Variants in SHANK2 observed in about 807,000 individuals in gnomAD.
SHANK2 encodes SH3 and multiple ankyrin repeat domains protein 2.
Under a neutral mutation model 133.7 loss-of-function variants are expected in SHANK2, and 43 were observed. The observed-to-expected ratio is 0.32, with a 90% CI of 0.25 to 0.41. SHANK2 has a LOEUF of 0.41. Among genes scored for constraint, SHANK2 ranks in the 10% least tolerant of loss-of-function variants. The pLI, the probability that SHANK2 is intolerant of heterozygous loss-of-function variation, is 1.00. For synonymous variants in SHANK2, 1,017 were observed against 952.8 expected (o/e 1.07, Z -1.24); for missense variants, 1,994 against 2,235.8 (o/e 0.89, Z 2.18).
At chr11:71,094,059 G>T (rs1027480224) in intron 7 of SHANK2, among the ~76,000 whole-genome samples, 1 of 152,078 alleles carries the variant, frequency 6.6e-6, no homozygotes, top group Admixed American at 6.5e-5. Context: ...GTGCTGGGGG[G>T]ATCTACCATG....
intron 10 of SHANK2, chr11:70,948,201 C>G (rs1950779461): frequency 9.3e-6 from 4 of 430,494 alleles, no homozygotes; most frequent in South Asian, 6.4e-5. Context: ...TTCCGCATTG[C>G]CAGCTCCGTA....
At chr11:70,777,813 GA>G (rs1947398643) in intron 14 of SHANK2, among the ~76,000 whole-genome samples, 1 of 152,184 alleles carries the variant, frequency 6.6e-6, no homozygotes, top group African/African-American at 2.4e-5. Flanking sequence ...ACATCACTGG[GA>G]AAGCTGCTTA....
At chr11:70,806,310 C>T (rs1948157010) in intron 13 of SHANK2, among the ~76,000 whole-genome samples, 1 of 152,340 alleles carries the variant, frequency 6.6e-6, no homozygotes, top group South Asian at 2.1e-4. Flanking sequence ...CCACCCCACA[C>T]AACCTCCGCA....
At chr11:70,575,025 C>A (rs2060098179) in intron 17 of SHANK2, among the ~76,000 whole-genome samples, 1 of 152,154 alleles carries the variant, frequency 6.6e-6, no homozygotes, top group Non-Finnish European at 1.5e-5. Context: ...GGAAGCCACA[C>A]ACACAAAGGG....
In SHANK2 at chr11:70,472,570, C is replaced by T. The variant is rs782605356; in HGVS notation, c.*299G>A. On this transcript the variant is annotated 3_prime_UTR_variant, in exon 26 of 26. Coordinates refer to ENST00000601538, the MANE Select transcript of SHANK2 (RefSeq NM_012309.5). The surrounding 1 kb of genome is among the most constrained non-coding windows in gnomAD (Gnocchi z 4.4). ...AAATTGACGGGGAGCCTCTCGGACCCGGCAAAGCGAGGCCACCTGCATGCT... is the reference window on the plus strand; with the variant it reads ...AAATTGACGGGGAGCCTCTCGGACCTGGCAAAGCGAGGCCACCTGCATGCT... The T allele has an allele frequency of 3.8e-5, 17 of 449,418 alleles. No homozygotes were observed. Among genetic ancestry groups the T allele is most frequent in the African/African-American group, 1.2e-4 (6 of 50,252 alleles). 27.8% of individuals were successfully genotyped at this position (449,418 alleles called of 1,614,324 possible).
chr11:70,820,034 G>T (rs1320430021), intron 12 of SHANK2, among the ~76,000 whole-genome samples: 2 of 152,152 alleles, frequency 1.3e-5, no homozygotes, highest in East Asian at 3.9e-4. Context: ...ATTTCACTTA[G>T]GACCAAGAAG....
chr11:71,177,053 G>T (rs11232410), intron 2 of SHANK2, among the ~76,000 whole-genome samples: 4 of 152,200 alleles, frequency 2.6e-5, no homozygotes, highest in Non-Finnish European at 5.9e-5. Context: ...TGAGCAGACA[G>T]TGGACTGGCA....
At position 71,188,947 on chromosome 11, in the gene SHANK2, G is replaced by A. The variant is rs1431211601; in HGVS notation, c.-13+35750C>T. Among the ~76,000 whole-genome samples, 3 of 152,114 alleles carry A rather than the reference G, an allele frequency of 2.0e-5. No homozygotes were observed. The highest frequency in any genetic ancestry group is 2.1e-4 in the South Asian group (1 of 4,814). ...CAGCAGGAGCGGGCCCCAGCTCCACGGCCCCCCACTCCCACCTAGATGGAG... is the reference window on the plus strand; with the variant it reads ...CAGCAGGAGCGGGCCCCAGCTCCACAGCCCCCCACTCCCACCTAGATGGAG... On this transcript the variant is annotated intron_variant, in intron 2 of 25. Transcript: ENST00000601538. The surrounding 1 kb of genome is among the most constrained non-coding windows in gnomAD (Gnocchi z 4.6).
At chr11:70,495,779 G>T in intron 21 of SHANK2, 1 of 197,082 alleles carries the variant, frequency 5.1e-6, no homozygotes, top group Non-Finnish European at 1.1e-5. Flanking sequence ...AGCAGCTGGA[G>T]CCCAACAAAA....
In SHANK2 at chr11:70,473,562, C is replaced by G. The variant is rs1327278977; in HGVS notation, c.4980-123G>C. On this transcript the variant is annotated intron_variant, in intron 25 of 25. Coordinates refer to ENST00000601538, the MANE Select transcript of SHANK2 (RefSeq NM_012309.5). This position sits in a 1 kb window ranked among gnomAD's most constrained non-coding sequence, Gnocchi z 5.9. The stretch of plus-strand genomic sequence containing the variant: ...CATGCCAGAGTGTCTAGTGGCAGAT[C>G]CACTGGCAGTGAACGAATGATTTGC... The G allele has an allele frequency of 1.1e-6, 1 of 946,324 alleles. No homozygotes were observed. Among genetic ancestry groups the G allele is most frequent in the African/African-American group, 1.6e-5 (1 of 61,880 alleles). 58.6% of individuals were successfully genotyped at this position (946,324 alleles called of 1,614,324 possible).
chr11:70,803,418 C>T (rs1300325338), intron 13 of SHANK2, among the ~76,000 whole-genome samples: 3 of 151,594 alleles, frequency 2.0e-5, no homozygotes, highest in Non-Finnish European at 2.9e-5. Context: ...CATCATCTAT[C>T]CCATTCCAAG....
rs572189001 is a variant in SHANK2 at position 70,661,800 on chromosome 11, G to T, written c.1854-122C>A. ...TAATCACCCCAGCTCGCCAGATCCAGGCAGCATGGAGGAAAGGAGGCAGCG... is the reference window on the plus strand; with the variant it reads ...TAATCACCCCAGCTCGCCAGATCCATGCAGCATGGAGGAAAGGAGGCAGCG... On this transcript the variant is annotated intron_variant, in intron 15 of 25. Transcript: ENST00000601538. The T allele has an allele frequency of 1.9e-6, 3 of 1,612,954 alleles. No individual in the cohort carries two copies. In the East Asian group the frequency reaches 6.7e-5, roughly 36 times the overall value.
intron 14 of SHANK2, among the ~76,000 whole-genome samples, chr11:70,709,939 G>A (rs1236347649): frequency 6.6e-6 from 1 of 152,094 alleles, no homozygotes; most frequent in East Asian, 1.9e-4. Flanking sequence ...TTTCAGGGAC[G>A]GAGGGGGACA....
rs1555113321 is a variant in SHANK2, at chr11:71,177,994, G to A, written c.-12-30656C>T. ...CACTGCTAGTAGAAATGTAAATGGCGTGGCCACTATGGAAAATAGGATAGC... is the reference window on the plus strand; with the variant it reads ...CACTGCTAGTAGAAATGTAAATGGCATGGCCACTATGGAAAATAGGATAGC... On this transcript the variant is annotated intron_variant, in intron 2 of 25. Transcript: ENST00000601538. Among the ~76,000 whole-genome samples, 2 of 152,206 alleles carry A rather than the reference G, an allele frequency of 1.3e-5. 1 individual carries two copies. Among genetic ancestry groups the A allele is most frequent in the South Asian group, 4.1e-4 (2 of 4,834 alleles).
At chr11:70,925,217 AT>A (rs1224004482) in intron 10 of SHANK2, among the ~76,000 whole-genome samples, 5 of 152,228 alleles carry the variant, frequency 3.3e-5, no homozygotes, top group Admixed American at 3.3e-4. Flanking sequence ...CAATGGTTAA[AT>A]ATATGCCCTA....
At chr11:70,524,354 A>G (rs1328859447) in intron 17 of SHANK2, among the ~76,000 whole-genome samples, 1 of 152,208 alleles carries the variant, frequency 6.6e-6, no homozygotes, top group Non-Finnish European at 1.5e-5. Flanking sequence ...AGCCTGGAGA[A>G]AGGTATGGAC....
chr11:70,866,790 C>T (rs1248760279), intron 11 of SHANK2, among the ~76,000 whole-genome samples: 1 of 151,738 alleles, frequency 6.6e-6, no homozygotes, highest in Admixed American at 6.6e-5. Context: ...ATTTTCATCT[C>T]CCCATTTCCC....
Position 70,486,383 on chromosome 11 carries a change from C to T in SHANK2, c.3910G>A (p.Asp1304Asn). 2 of 1,613,978 alleles carry T rather than the reference C, an allele frequency of 1.2e-6. No homozygotes were observed. The highest frequency in any genetic ancestry group is 1.7e-6 in the Non-Finnish European group (2 of 1,180,016). The change falls in exon 25 of 26, where the codon GAC becomes AAC. Residue 1304 changes from aspartate to asparagine, a missense_variant. Asp to Asn is a conservative substitution (Grantham distance 23, BLOSUM62 1). Transcript: ENST00000601538. This position sits in a 1 kb window ranked among gnomAD's most constrained non-coding sequence, Gnocchi z 8.0. ...DKKNMLIDIM[D>N]TSQQKSAGLL... ...CCAGCCGACTTCTGCTGGGACGTGTCCATGATGTCGATCAGCATGTTCTTC... is the reference window on the plus strand; with the variant it reads ...CCAGCCGACTTCTGCTGGGACGTGTTCATGATGTCGATCAGCATGTTCTTC...
Position 70,479,948 on chromosome 11 carries a change from G to A in SHANK2, c.4979+5366C>T, listed in dbSNP as rs1248701949. Among the ~76,000 whole-genome samples the A allele has an allele frequency of 1.3e-5, 2 of 152,092 alleles. No homozygotes were observed. Among genetic ancestry groups the A allele is most frequent in the African/African-American group, 4.8e-5 (2 of 41,410 alleles). On this transcript the variant is annotated intron_variant, in intron 25 of 25. Transcript: ENST00000601538. This position sits in a 1 kb window ranked among gnomAD's most constrained non-coding sequence, Gnocchi z 4.4. ...ACTTAGCCCTTGAGTCTCCCTGCTT[G>A]TCTCCAGAATGCAGGCCCTACACTC...
Sources: gnomAD v4.1 joint callset for allele counts (sites outside exome capture counted in the v4.1 genomes callset) on GRCh38, gnomAD v4.1.1 for gene constraint, Gnocchi (gnomAD v3.1) non-coding constraint, MANE v1.5 for transcripts, NCBI Gene and HGNC (gene_info 2026-07-23, HGNC 2026-07-21) for gene names.